RORA: variants seen among roughly 807,000 people sequenced by gnomAD.
RORA encodes RAR related orphan receptor A.
Under a neutral mutation model 69.5 loss-of-function variants are expected in RORA, and 7 were observed. The observed-to-expected ratio is 0.10, with a 90% CI of 0.06 to 0.19. The LOEUF (loss-of-function observed/expected upper bound fraction) is 0.19. Ranked by LOEUF, RORA falls within the 10% of genes least tolerant of loss-of-function variation. The probability of loss-of-function intolerance (pLI) is 1.00; values close to 1 mark genes in which losing one functional copy is unlikely to be tolerated. For missense variants in RORA, 457 were observed against 663.0 expected, an observed-to-expected ratio of 0.69 and a Z score of 3.41; for synonymous variants, 261 against 240.8, an observed-to-expected ratio of 1.08 and a Z score of -0.78.
At chr15:60,737,282 C>T (rs2071514148) in intron 1 of RORA, among the ~76,000 whole-genome samples, 1 of 152,144 alleles carries the variant, frequency 6.6e-6, no homozygotes, top group Admixed American at 6.6e-5. Flanking sequence ...TACCTATTTC[C>T]AGGAAAGGAA....
At chr15:60,574,814 C>T (rs146269116) in intron 2 of RORA, among the ~76,000 whole-genome samples, 9 of 152,278 alleles carry the variant, frequency 5.9e-5, no homozygotes, top group Middle Eastern at 3.4e-3. Context: ...TCAGCTAATA[C>T]GTGGCATTTC....
chr15:60,836,778 T>C (rs1307377971), intron 1 of RORA, among the ~76,000 whole-genome samples: 2 of 152,262 alleles, frequency 1.3e-5, no homozygotes, highest in East Asian at 3.9e-4. Flanking sequence ...TCATGTCCAT[T>C]AGTCACTGAA....
chr15:61,159,345 C>T (rs1229763162), intron 1 of RORA, among the ~76,000 whole-genome samples: 9 of 152,162 alleles, frequency 5.9e-5, no homozygotes, highest in African/African-American at 2.2e-4. Context: ...CATCATTTAA[C>T]CTGAGAGATA....
intron 1 of RORA, among the ~76,000 whole-genome samples, chr15:60,961,623 C>T (rs1458083485): frequency 6.6e-6 from 1 of 152,168 alleles, no homozygotes; most frequent in Admixed American, 6.5e-5. Flanking sequence ...TTTCCCGGCT[C>T]TGAATGGGCC....
chr15:60,556,928 A>G (rs2067379526), intron 2 of RORA: 1 of 1,612,934 alleles, frequency 6.2e-7, no homozygotes, highest in Non-Finnish European at 8.5e-7. Context: ...CTCCAGGAAC[A>G]CTTGTTTGTC....
Position 60,679,918 on chromosome 15 carries a change from TTTTGTTTGTTTGTTTG to T in RORA, c.167-1248_167-1233del, listed in dbSNP as rs138371554. ...CAACTTTTATTGAGGAAAACTATTG[TTTTGTTTGTTTGTTTG>T]TTTGTTTGTTTGTTTTAAATCATGT... On this transcript the variant is annotated intron_variant, in intron 1 of 10. Transcript: ENST00000335670. 5.1e-3 allele frequency among the ~76,000 whole-genome samples: 770 copies of T among 151,410 alleles called. 6 individuals are homozygous for T. Among genetic ancestry groups the T allele is most frequent in the African/African-American group, 0.017 (692 of 41,236 alleles).
chr15:60,665,100 G>A (rs931412337), intron 2 of RORA, among the ~76,000 whole-genome samples: 3 of 152,164 alleles, frequency 2.0e-5, no homozygotes, highest in Admixed American at 6.5e-5. Flanking sequence ...TTCTGACCTT[G>A]AACAAATAAA....
chr15:61,068,724 T>A (rs908270407), intron 1 of RORA, among the ~76,000 whole-genome samples: 1 of 152,216 alleles, frequency 6.6e-6, no homozygotes, highest in Non-Finnish European at 1.5e-5. Context: ...AATGACCACA[T>A]TCACCCATGT....
chr15:60,704,292 C>T lies in RORA; in HGVS notation c.167-25606G>A, dbSNP rs188918797. Among the ~76,000 whole-genome samples, 125 of 152,326 alleles carry T rather than the reference C, an allele frequency of 8.2e-4. 1 individual carries two copies. Among genetic ancestry groups the T allele is most frequent in the South Asian group, 2.3e-3 (11 of 4,822 alleles). On this transcript the variant is annotated intron_variant, in intron 1 of 10. Transcript: ENST00000335670. Reference sequence around the variant, plus strand: ...AGGTGAGTTGTAGGAGGGGCCACACCGGCATGCGGTTGCAAGGAGAGAAGG... The same window carrying T: ...AGGTGAGTTGTAGGAGGGGCCACACTGGCATGCGGTTGCAAGGAGAGAAGG...
intron 1 of RORA, among the ~76,000 whole-genome samples, chr15:61,150,771 T>C (rs2079390394): frequency 6.6e-6 from 1 of 152,176 alleles, no homozygotes; most frequent in African/African-American, 2.4e-5. Context: ...GAAACTATAC[T>C]TTTCTCTTGT....
At chr15:61,039,928 G>T (rs920764020) in intron 1 of RORA, among the ~76,000 whole-genome samples, 3 of 151,132 alleles carry the variant, frequency 2.0e-5, no homozygotes, top group African/African-American at 7.3e-5. Context: ...TAATTCTGAT[G>T]CACTTTCTTT....
At chr15:60,670,853 A>G (rs899547132) in intron 2 of RORA, among the ~76,000 whole-genome samples, 1 of 152,088 alleles carries the variant, frequency 6.6e-6, no homozygotes, top group Admixed American at 6.5e-5. Flanking sequence ...TAAAAAATTT[A>G]GTGTCATCAC....
chr15:60,936,485 T>C (rs2140318950), intron 1 of RORA, among the ~76,000 whole-genome samples: 1 of 152,322 alleles, frequency 6.6e-6, no homozygotes, highest in Non-Finnish European at 1.5e-5. Context: ...TGCTCAAAAG[T>C]GTCCACCTTC....
intron 1 of RORA, among the ~76,000 whole-genome samples, chr15:60,720,387 C>G (rs957145113): frequency 4.6e-5 from 7 of 152,212 alleles, no homozygotes; most frequent in African/African-American, 1.7e-4. Context: ...CAGACGATAG[C>G]TAACATAATC....
intron 2 of RORA, among the ~76,000 whole-genome samples, chr15:60,540,561 A>C (rs2066831761): frequency 2.2e-4 from 12 of 55,612 alleles, no homozygotes; most frequent in South Asian, 1.0e-3. Context: ...CACAATTTCC[A>C]TGACCCCCCC....
intron 1 of RORA, among the ~76,000 whole-genome samples, chr15:61,078,345 G>T (rs1282439174): frequency 6.6e-6 from 1 of 150,898 alleles, no homozygotes; most frequent in African/African-American, 2.4e-5. Context: ...GTGTGTGTGT[G>T]TGTGTGTGTG....
At chr15:61,101,408 A>G (rs2078877618) in intron 1 of RORA, among the ~76,000 whole-genome samples, 1 of 152,136 alleles carries the variant, frequency 6.6e-6, no homozygotes, top group African/African-American at 2.4e-5. Context: ...TGTGGAGAGA[A>G]TAAGATAAAA....
At chr15:60,774,100 C>T (rs1223157032) in intron 1 of RORA, among the ~76,000 whole-genome samples, 1 of 152,172 alleles carries the variant, frequency 6.6e-6, no homozygotes, top group South Asian at 2.1e-4. Flanking sequence ...ACAGTACGTG[C>T]CTTTGGCCTG....
At chr15:60,920,774 C>A (rs185942925) in intron 1 of RORA, among the ~76,000 whole-genome samples, 22 of 152,240 alleles carry the variant, frequency 1.4e-4, no homozygotes, top group African/African-American at 5.3e-4. Flanking sequence ...AACATTTTTC[C>A]ATTTGCTGAT....
Sources: allele counts gnomAD v4.1 joint callset (sites outside exome capture counted in the v4.1 genomes callset), GRCh38; gene constraint gnomAD v4.1.1; transcripts MANE v1.5; gene names NCBI Gene and HGNC (gene_info 2026-07-23, HGNC 2026-07-21).